The following BIN2 variants were observed in gnomAD, a reference collection of about 807,000 sequenced individuals.
The protein encoded by BIN2 is breast cancer associated protein BRAP1.
BIN2 carries 43 observed loss-of-function variants against 67.9 expected under a neutral mutation model. The observed-to-expected ratio is 0.63, with a 90% CI of 0.50 to 0.82. The LOEUF (loss-of-function observed/expected upper bound fraction) is 0.82. Ranked by LOEUF, BIN2 falls within the 40% of genes least tolerant of loss-of-function variation. The pLI, the probability that BIN2 is intolerant of heterozygous loss-of-function variation, is 0.00. For synonymous variants in BIN2, 244 were observed against 246.8 expected, an observed-to-expected ratio of 0.99 and a Z score of 0.11; for missense variants, 581 against 671.6, an observed-to-expected ratio of 0.87 and a Z score of 1.49.
chr12:51,294,368 A>G (rs890666721), intron 9 of BIN2, among the ~76,000 whole-genome samples: 12 of 152,208 alleles, frequency 7.9e-5, no homozygotes, highest in African/African-American at 1.9e-4. Context: ...GAAGTTCAAG[A>G]CCAGCCTGGC....
intron 2 of BIN2, among the ~76,000 whole-genome samples, chr12:51,313,184 G>GAGGAAGGAAGGAAGGAAGGAAGGAAGGA (rs534447282): frequency 7.9e-5 from 9 of 113,846 alleles, no homozygotes; most frequent in Admixed American, 2.8e-4. Context: ...GTTGCAGTGA[G>GAGGAAGGAAGGAAGGAAGGAAGGAAGGA]AGGAAGGAAG....
chr12:51,311,097 CTT>C (rs202234779), intron 2 of BIN2, among the ~76,000 whole-genome samples: 1 of 130,600 alleles, frequency 7.7e-6, no homozygotes. Context: ...TATGTAGGGG[CTT>C]TTTTTTTTTT....
At chr12:51,316,949 T>C (rs549931737) in intron 1 of BIN2, among the ~76,000 whole-genome samples, 1 of 152,256 alleles carries the variant, frequency 6.6e-6, no homozygotes, top group South Asian at 2.1e-4. Context: ...TGATCTCAGC[T>C]CACCACAACT....
At chr12:51,284,436 AT>A (rs773018368) in intron 12 of BIN2, among the ~76,000 whole-genome samples, 29 of 152,210 alleles carry the variant, frequency 1.9e-4, no homozygotes, top group Middle Eastern at 3.2e-3. Flanking sequence ...TTTAAAAAAA[AT>A]ATCTTAACCT....
At chr12:51,317,251 G>A (rs773996234) in intron 1 of BIN2, among the ~76,000 whole-genome samples, 81 of 152,054 alleles carry the variant, frequency 5.3e-4, no homozygotes, top group Non-Finnish European at 7.2e-4. Flanking sequence ...TTGTTCATTT[G>A]GATTTCTCAG....
chr12:51,317,765 G>T (rs1946171378), intron 1 of BIN2, among the ~76,000 whole-genome samples: 1 of 152,064 alleles, frequency 6.6e-6, no homozygotes, highest in Non-Finnish European at 1.5e-5. Flanking sequence ...GAGGCGGGTG[G>T]ATCACGAGGT....
rs575934643 is a variant in BIN2, at chr12:51,320,184, T to C, written c.81+3838A>G. Among the ~76,000 whole-genome samples, 9 of 152,168 alleles carry C rather than the reference T, an allele frequency of 5.9e-5. No individual in the cohort carries two copies. The South Asian group carries it at 1.2e-3, about 21-fold the overall frequency. ...TTGGTAGAGATGGGATTTCGCCACA[T>C]TGGCCAGCCTGGTCTCGAACTCCTG... On this transcript the variant is annotated intron_variant, in intron 1 of 12. Coordinates refer to ENST00000615107, the MANE Select transcript of BIN2 (RefSeq NM_016293.4).
intron 11 of BIN2, among the ~76,000 whole-genome samples, chr12:51,286,028 G>C (rs2137339794): frequency 6.6e-6 from 1 of 152,124 alleles, no homozygotes; most frequent in African/African-American, 2.4e-5. Flanking sequence ...TTAGCTCAGA[G>C]GTGATGTTAC....
chr12:51,296,696 G>C (rs1945576829), intron 8 of BIN2, among the ~76,000 whole-genome samples: 1 of 152,060 alleles, frequency 6.6e-6, no homozygotes, highest in Admixed American at 6.6e-5. Flanking sequence ...TCACTGACAG[G>C]ATTAGTCTTA....
At chr12:51,285,822 G>T (rs1945225173) in intron 11 of BIN2, among the ~76,000 whole-genome samples, 1 of 151,878 alleles carries the variant, frequency 6.6e-6, no homozygotes, top group African/African-American at 2.4e-5. Flanking sequence ...ATGTTAGCAA[G>T]GCTGGTCTCA....
intron 1 of BIN2, among the ~76,000 whole-genome samples, chr12:51,314,187 A>T (rs1251306316): frequency 1.3e-5 from 2 of 152,154 alleles, no homozygotes; most frequent in East Asian, 3.9e-4. Flanking sequence ...AGCTGGGATT[A>T]CAGGCGTGTA....
At chr12:51,310,011 G>GT (rs1409512657) in intron 2 of BIN2, among the ~76,000 whole-genome samples, 1 of 152,198 alleles carries the variant, frequency 6.6e-6, no homozygotes, top group African/African-American at 2.4e-5. Context: ...GTGAGGCACA[G>GT]TGAAAAAAGC....
At chr12:51,283,993 C>CAA (rs34571040) in intron 12 of BIN2, among the ~76,000 whole-genome samples, 3,513 of 133,116 alleles carry the variant, frequency 0.026, 118 homozygotes, top group East Asian at 0.11. Flanking sequence ...AACTCCGTCT[C>CAA]AAAAAAAAAA....
chr12:51,324,029 T>A lies in BIN2; in HGVS notation c.74A>T (p.Gln25Leu). 1 of 1,613,348 alleles carries A rather than the reference T, an allele frequency of 6.2e-7. No individual in the cohort carries two copies. Among genetic ancestry groups the A allele is most frequent in the Non-Finnish European group, 8.5e-7 (1 of 1,179,620 alleles). Residue 25 changes from glutamine (Q) to leucine (L), a missense_variant, in exon 1 of 13, where the codon CAG becomes CTG. By Grantham distance (113) the Gln-to-Leu change is moderately radical. Transcript: ENST00000615107. ...CGAGGCCCGGCCACCTACCTTCTCC[T>A]GGGCCCTGCTAAACTTCTTCTGCAC... ...KQVQKKFSRA[Q>L]EKVLQKLGKA...
At chr12:51,306,267 A>T (rs1338019208) in intron 2 of BIN2, among the ~76,000 whole-genome samples, 1 of 152,222 alleles carries the variant, frequency 6.6e-6, no homozygotes, top group Non-Finnish European at 1.5e-5. Flanking sequence ...ACTGTCAGAC[A>T]GGTACAGAAC....
At position 51,283,144 on chromosome 12, in the gene BIN2, C is replaced by T. The variant is rs573696898; in HGVS notation, c.1668+1572G>A. The stretch of plus-strand genomic sequence containing the variant: ...GTGGCGCCACCGCCTGTAATCCCAG[C>T]TACTCAGGAGGCTGAGGCAGGAGAA... On this transcript the variant is annotated intron_variant, in intron 12 of 12. Coordinates refer to ENST00000615107, the MANE Select transcript of BIN2 (RefSeq NM_016293.4). Among the ~76,000 whole-genome samples, 9 of 151,582 alleles carry T rather than the reference C, an allele frequency of 5.9e-5. No individual in the cohort carries two copies. In the South Asian group the frequency reaches 1.9e-3, roughly 32 times the overall value.
rs1230677887 is a variant in BIN2 at position 51,299,602 on chromosome 12, T to C, written c.516+5A>G. 6.2e-7 allele frequency: 1 copy of C among 1,613,574 alleles called. No individual in the cohort carries two copies. Among genetic ancestry groups the C allele is most frequent in the South Asian group, 1.1e-5 (1 of 91,080 alleles). On this transcript the variant is annotated splice_donor_5th_base_variant and intron_variant, in intron 6 of 12. Coordinates refer to ENST00000615107, the MANE Select transcript of BIN2 (RefSeq NM_016293.4). ...TACCAGTTTTTGTTGTTGTTTTTGT[T>C]TTACCTTGGCAGTCTTGGCCTCATC...
chr12:51,302,230 T>C, intron 4 of BIN2, 115 bp from the exon 5 acceptor site: 1 of 691,288 alleles, frequency 1.4e-6, no homozygotes, highest in Non-Finnish European at 2.5e-6. Context: ...GTATTTAGAA[T>C]ACCATGTTGG....
At chr12:51,311,156 G>A (rs1424157211) in intron 2 of BIN2, among the ~76,000 whole-genome samples, 1 of 151,046 alleles carries the variant, frequency 6.6e-6, no homozygotes, top group Non-Finnish European at 1.5e-5. Flanking sequence ...GAGTGCAGTG[G>A]CACAATCACA....
Sources: allele counts gnomAD v4.1 joint callset (sites outside exome capture counted in the v4.1 genomes callset), GRCh38; gene constraint gnomAD v4.1.1; transcripts MANE v1.5; gene names NCBI Gene and HGNC (gene_info 2026-07-23, HGNC 2026-07-21).